The following NKAIN3 variants were observed in gnomAD, a reference collection of about 807,000 sequenced individuals.
NKAIN3 encodes the protein sodium/potassium transporting ATPase interacting 3.
A neutral mutation model predicts 30.2 loss-of-function variants in NKAIN3; 25 were observed. The observed-to-expected ratio is 0.83, with a 90% confidence interval of 0.60 to 1.16. The LOEUF (loss-of-function observed/expected upper bound fraction) is 1.16. Ranked by LOEUF, NKAIN3 falls within the 50% of genes most tolerant of loss-of-function variation. The pLI, the probability that NKAIN3 is intolerant of heterozygous loss-of-function variation, is 0.00. For synonymous variants in NKAIN3, 91 were observed against 89.6 expected, an observed-to-expected ratio of 1.02 and a Z score of -0.09; for missense variants, 225 against 254.1, an observed-to-expected ratio of 0.89 and a Z score of 0.78.
At chr8:62,281,275 A>G (rs878979837) in intron 1 of NKAIN3, among the ~76,000 whole-genome samples, 1 of 151,582 alleles carries the variant, frequency 6.6e-6, no homozygotes, top group African/African-American at 2.4e-5. Flanking sequence ...TTTCTTCTTT[A>G]TTAGTCTTGC....
intron 4 of NKAIN3, among the ~76,000 whole-genome samples, chr8:62,888,189 T>C (rs1330301372): frequency 6.6e-6 from 1 of 152,206 alleles, no homozygotes; most frequent in Non-Finnish European, 1.5e-5. Flanking sequence ...CCCCAGGTCA[T>C]TAGGTTCTGA....
chr8:62,497,041 C>CT (rs952640671), intron 1 of NKAIN3, among the ~76,000 whole-genome samples: 17 of 151,078 alleles, frequency 1.1e-4, no homozygotes, highest in African/African-American at 3.6e-4. Flanking sequence ...AGTTCAAGTT[C>CT]TTTTTTTTTA....
intron 1 of NKAIN3, among the ~76,000 whole-genome samples, chr8:62,400,113 A>G (rs1176979071): frequency 6.6e-6 from 1 of 151,316 alleles, no homozygotes; most frequent in Non-Finnish European, 1.5e-5. Flanking sequence ...AGAGATCACA[A>G]TTCAGGCTAG....
At chr8:62,952,194 A>T (rs1473666786) in intron 5 of NKAIN3, among the ~76,000 whole-genome samples, 1 of 152,180 alleles carries the variant, frequency 6.6e-6, no homozygotes, top group Non-Finnish European at 1.5e-5. Flanking sequence ...AATATTAAAG[A>T]TAAATATATT....
At chr8:62,940,884 C>T (rs141606267) in intron 5 of NKAIN3, among the ~76,000 whole-genome samples, 53 of 151,654 alleles carry the variant, frequency 3.5e-4, no homozygotes, top group African/African-American at 1.2e-3. Flanking sequence ...CAAACCGAAT[C>T]CAAACCCTGC....
At chr8:62,598,863 C>A (rs773502107) in intron 3 of NKAIN3, among the ~76,000 whole-genome samples, 11 of 151,952 alleles carry the variant, frequency 7.2e-5, no homozygotes, top group Non-Finnish European at 1.2e-4. Flanking sequence ...AAACAGGATC[C>A]AGCTGTTGTC....
intron 5 of NKAIN3, among the ~76,000 whole-genome samples, chr8:62,921,629 G>C (rs1250545271): frequency 6.6e-6 from 1 of 152,152 alleles, no homozygotes; most frequent in African/African-American, 2.4e-5. Flanking sequence ...GCTAGGTGGG[G>C]TCAGAGCTTC....
rs890103783 is a variant in NKAIN3 at position 62,823,429 on chromosome 8, A to G, written c.471+76300A>G. On this transcript the variant is annotated intron_variant, in intron 4 of 6. Transcript: ENST00000623646. ...CCTGTAACACTGAACAGAAAATCTC[A>G]CAGGATATAGTTCAATAATGTTATG... Among the ~76,000 whole-genome samples the G allele has an allele frequency of 7.9e-5, 12 of 152,174 alleles. No individual in the cohort carries two copies. The South Asian group carries it at 2.3e-3, about 29-fold the overall frequency.
chr8:62,429,225 A>G (rs1585798705), intron 1 of NKAIN3, among the ~76,000 whole-genome samples: 1 of 151,824 alleles, frequency 6.6e-6, no homozygotes, highest in Non-Finnish European at 1.5e-5. Flanking sequence ...TTCCATTCAC[A>G]GTGACGCTTG....
chr8:62,812,285 T>A (rs917182695), intron 4 of NKAIN3, among the ~76,000 whole-genome samples: 1 of 151,936 alleles, frequency 6.6e-6, no homozygotes, highest in African/African-American at 2.4e-5. Flanking sequence ...TCCACTTTAT[T>A]TTTTTGGAAT....
intron 1 of NKAIN3, among the ~76,000 whole-genome samples, chr8:62,385,854 T>G (rs543686361): frequency 6.6e-6 from 1 of 152,330 alleles, no homozygotes; most frequent in South Asian, 2.1e-4. Flanking sequence ...TAGGTTACTG[T>G]GTGCATCAGT....
chr8:62,704,717 A>G (rs1365405887), intron 3 of NKAIN3, among the ~76,000 whole-genome samples: 1 of 152,228 alleles, frequency 6.6e-6, no homozygotes, highest in African/African-American at 2.4e-5. Flanking sequence ...TTGCAAGCTT[A>G]TAAACTTTTC....
At chr8:62,800,221 CAAAT>C (rs145430398) in intron 4 of NKAIN3, among the ~76,000 whole-genome samples, 16,950 of 149,916 alleles carry the variant, frequency 0.11, 1,268 homozygotes, top group Admixed American at 0.19. Flanking sequence ...AATAAACAAA[CAAAT>C]AAATAAATAA....
chr8:62,342,599 C>T (rs1386473409), intron 1 of NKAIN3, among the ~76,000 whole-genome samples: 2 of 152,048 alleles, frequency 1.3e-5, no homozygotes, highest in Non-Finnish European at 2.9e-5. Context: ...GCCTGAGACT[C>T]CTGCACAAAG....
Position 62,285,513 on chromosome 8 carries a change from A to C in NKAIN3, c.54+36386A>C, listed in dbSNP as rs560582646. On this transcript the variant is annotated intron_variant, in intron 1 of 6. Coordinates refer to ENST00000623646, the MANE Select transcript of NKAIN3 (RefSeq NM_001304533.3). ...GAGGAACTCTTTAGAGAGTCGCTGAACCCTGCCCTGGGTTTCATTGTGTGT... is the reference window on the plus strand; with the variant it reads ...GAGGAACTCTTTAGAGAGTCGCTGACCCCTGCCCTGGGTTTCATTGTGTGT... Among the ~76,000 whole-genome samples, 15 of 152,174 alleles carry C rather than the reference A, an allele frequency of 9.9e-5. No homozygotes were observed. In the South Asian group the frequency reaches 3.1e-3, roughly 32 times the overall value.
chr8:62,900,775 C>T (rs994355165), intron 4 of NKAIN3, among the ~76,000 whole-genome samples: 1 of 152,106 alleles, frequency 6.6e-6, no homozygotes, highest in Non-Finnish European at 1.5e-5. Flanking sequence ...GGTTAAATAC[C>T]TTACCCAAGG....
At chr8:62,942,458 A>C (rs985091175) in intron 5 of NKAIN3, among the ~76,000 whole-genome samples, 3 of 151,402 alleles carry the variant, frequency 2.0e-5, no homozygotes, top group African/African-American at 7.3e-5. Flanking sequence ...TTCCAAAAGC[A>C]ATCTACAAAT....
intron 1 of NKAIN3, among the ~76,000 whole-genome samples, chr8:62,381,620 A>G (rs1817281441): frequency 6.6e-6 from 1 of 152,122 alleles, no homozygotes; most frequent in African/African-American, 2.4e-5. Context: ...TAATATGGCC[A>G]GTTTTCTGAA....
intron 4 of NKAIN3, among the ~76,000 whole-genome samples, chr8:62,870,705 A>C (rs1253179083): frequency 1.4e-4 from 17 of 125,232 alleles, no homozygotes; most frequent in South Asian, 7.2e-4. Context: ...CTATATATCT[A>C]TATATCTATA....
Sources: allele counts gnomAD v4.1 joint callset (sites outside exome capture counted in the v4.1 genomes callset), GRCh38; gene constraint gnomAD v4.1.1; transcripts MANE v1.5; gene names NCBI Gene and HGNC (gene_info 2026-07-23, HGNC 2026-07-21).